The following KCNQ2 variants were observed in gnomAD, a reference collection of about 807,000 sequenced individuals.
KCNQ2 encodes the protein potassium voltage-gated channel subfamily KQT member 2.
Under a neutral mutation model 84.8 loss-of-function variants are expected in KCNQ2, and 14 were observed. The observed-to-expected ratio is 0.17, with a 90% CI of 0.11 to 0.26. The LOEUF (loss-of-function observed/expected upper bound fraction) is 0.26, where lower values mean the gene tolerates loss of function less well. Among genes scored for constraint, KCNQ2 ranks in the 10% least tolerant of loss-of-function variants. The pLI is 1.00. For synonymous variants in KCNQ2, 599 were observed against 554.1 expected (o/e 1.08, Z -1.14); for missense variants, 788 against 1,254.0 (o/e 0.63, Z 5.61).
At position 63,442,499 on chromosome 20, in the gene KCNQ2, A is replaced by C. The variant is rs777739401; in HGVS notation, c.723T>G (p.Leu241=). Residue 241 remains leucine, a synonymous_variant, in exon 5 of 17, where the codon CTT becomes CTG. Transcript: ENST00000359125. ...CCAGGAACGAGGCCAGGATGAGACA[A>C]AGGAAGCCGATGTACCAGGCAGTGA... ...ELVTAWYIGF[L]CLILASFLVY... 1.9e-6 allele frequency: 3 copies of C among 1,613,526 alleles called. No individual in the cohort carries two copies. Among genetic ancestry groups the C allele is most frequent in the East Asian group, 2.2e-5 (1 of 44,864 alleles).
chr20:63,440,410 A>G (rs1024033419), intron 5 of KCNQ2, among the ~76,000 whole-genome samples: 1 of 152,158 alleles, frequency 6.6e-6, no homozygotes, highest in Non-Finnish European at 1.5e-5. Context: ...CGAGGAAGGC[A>G]GGGGCAGGCA....
chr20:63,439,477 T>A, intron 6 of KCNQ2, 121 bp downstream of exon 6: 6 of 764,352 alleles, frequency 7.8e-6, no homozygotes, highest in Middle Eastern at 3.1e-4. Flanking sequence ...GCTGTGGACC[T>A]GCTGAGAGCT....
chr20:63,457,389 C>G (rs2081831319), intron 1 of KCNQ2, among the ~76,000 whole-genome samples: 1 of 152,258 alleles, frequency 6.6e-6, no homozygotes, highest in Admixed American at 6.5e-5. Context: ...GGGTGCTCAA[C>G]TGGACCCTGA....
intron 8 of KCNQ2, chr20:63,433,508 G>C (rs950909456): frequency 4.4e-5 from 26 of 590,480 alleles, no homozygotes; most frequent in Non-Finnish European, 1.8e-5. Flanking sequence ...CCCGGGGCGG[G>C]GGGCATTTAC....
Position 63,400,264 on chromosome 20 carries a change from C to T in KCNQ2, c.*6380G>A, listed in dbSNP as rs959681418. 9 of 207,104 alleles carry T rather than the reference C, an allele frequency of 4.3e-5. No individual in the cohort carries two copies. The highest frequency in any genetic ancestry group is 1.4e-4 in the African/African-American group (6 of 43,618). 12.8% of individuals were successfully genotyped at this position (207,104 alleles called of 1,614,324 possible). On this transcript the variant is annotated 3_prime_UTR_variant, in exon 17 of 17. Coordinates refer to ENST00000359125, the MANE Select transcript of KCNQ2 (RefSeq NM_172107.4). The surrounding 1 kb of genome is among the most constrained non-coding windows in gnomAD (Gnocchi z 8.7). ...CACAGGTCCACCTGGCGTCCGAACT[C>T]GTCCCCGTGGCAGCAGGGATCCCCA...
rs1367810787 is a variant in KCNQ2, at chr20:63,472,538, A to G, written c.-75T>C. 4 of 1,216,542 alleles carry G rather than the reference A, an allele frequency of 3.3e-6. No individual in the cohort carries two copies. Among genetic ancestry groups the G allele is most frequent in the Non-Finnish European group, 4.1e-6 (4 of 971,566 alleles). The allele number at this position is 1,216,542 out of a possible 1,614,324, so 75.4% of individuals were successfully genotyped here. ...GAGCGCGGGGGGCGGCGCGGGCCCC[A>G]GCCCAGGCCCCCCGGCCGGGAGCCG... On this transcript the variant is annotated 5_prime_UTR_variant, in exon 1 of 17. Transcript: ENST00000359125.
chr20:63,424,242 C>G (rs757198327), intron 10 of KCNQ2, 36 bp from the exon 11 acceptor site: 3 of 1,551,948 alleles, frequency 1.9e-6, no homozygotes, highest in Middle Eastern at 1.7e-4. Context: ...AGTGGCCGCC[C>G]ACTCAGCACC....
intron 1 of KCNQ2, among the ~76,000 whole-genome samples, chr20:63,458,686 C>A (rs1017128608): frequency 6.6e-6 from 1 of 152,164 alleles, no homozygotes. Flanking sequence ...CAGACAGTGG[C>A]CCCAAGTGCC....
At position 63,425,949 on chromosome 20, in the gene KCNQ2, GCCA is replaced by G. The variant is rs531861060; in HGVS notation, c.1218-1746_1218-1744del. Among the ~76,000 whole-genome samples the G allele has an allele frequency of 1.0e-3, 158 of 152,320 alleles. 1 individual carries two copies. The highest frequency in any genetic ancestry group is 3.5e-3 in the African/African-American group (145 of 41,578). ...AGGGAGAATGACAGAGGGGCCGCCG[GCCA>G]CCACGTTTCCAATCCGGCGGGGCAA... On this transcript the variant is annotated intron_variant, in intron 10 of 16. Transcript: ENST00000359125. The surrounding 1 kb of genome is among the most constrained non-coding windows in gnomAD (Gnocchi z 5.5).
At chr20:63,433,770 T>C in intron 8 of KCNQ2, 39 bp downstream of exon 8, 1 of 1,613,474 alleles carries the variant, frequency 6.2e-7, no homozygotes. Flanking sequence ...AAATAAAAAA[T>C]GAAACAGTTG....
intron 1 of KCNQ2, among the ~76,000 whole-genome samples, chr20:63,462,930 G>A (rs1004584735): frequency 3.9e-5 from 6 of 152,208 alleles, no homozygotes; most frequent in African/African-American, 9.6e-5. Context: ...TGGCACGCAT[G>A]CAGAGAACGG....
At position 63,407,012 on chromosome 20, in the gene KCNQ2, A is replaced by C; in HGVS notation, c.2251T>G (p.Ser751Ala). 2 of 1,532,656 alleles carry C rather than the reference A, an allele frequency of 1.3e-6. No homozygotes were observed. The highest frequency in any genetic ancestry group is 1.8e-4 in the Middle Eastern group (1 of 5,704). 94.9% of individuals were successfully genotyped at this position (1,532,656 alleles called of 1,614,324 possible). ...RIPPPPAHER[S>A]LSAYGGGNRA... ...TTGCCCCCGCCGTAGGCGGACAGCG[A>C]CCGCTCGTGGGCAGGCGGCGGCGGG... Residue 751 changes from serine (S) to alanine (A), a missense_variant, in exon 17 of 17, where the codon TCG becomes GCG. Coordinates refer to ENST00000359125, the MANE Select transcript of KCNQ2 (RefSeq NM_172107.4). This position sits in a 1 kb window ranked among gnomAD's most constrained non-coding sequence, Gnocchi z 7.2.
intron 3 of KCNQ2, 137 bp from the exon 4 acceptor site, chr20:63,444,971 T>C: frequency 9.2e-7 from 1 of 1,084,112 alleles, no homozygotes; most frequent in Non-Finnish European, 1.3e-6. Context: ...GTGGGCTCTG[T>C]CAGGCCCCAG....
At chr20:63,439,262 C>A (rs753605727) in intron 6 of KCNQ2, among the ~76,000 whole-genome samples, 3 of 152,244 alleles carry the variant, frequency 2.0e-5, no homozygotes, top group African/African-American at 7.2e-5. Context: ...CATGAGGGAC[C>A]TGTGTCACCA....
chr20:63,443,378 A>C (rs2081306761), intron 4 of KCNQ2, among the ~76,000 whole-genome samples: 1 of 119,944 alleles, frequency 8.3e-6, no homozygotes. Flanking sequence ...CATCACCACC[A>C]TCATCACCAC....
chr20:63,428,291 G>A lies in KCNQ2; in HGVS notation c.1217+76C>T, dbSNP rs575295105. On this transcript the variant is annotated intron_variant, in intron 10 of 16. Transcript: ENST00000359125. Reference sequence around the variant, plus strand: ...GGAGTCCCTGGGGCACTGTCCTGGCGTGTCTTCTGTGGGCAGCTGGGGCCC... The same window carrying A: ...GGAGTCCCTGGGGCACTGTCCTGGCATGTCTTCTGTGGGCAGCTGGGGCCC... 4.7e-4 allele frequency: 521 copies of A among 1,109,698 alleles called. 4 individuals carry two copies. The South Asian group carries it at 5.7e-3, about 12-fold the overall frequency. 68.7% of individuals were successfully genotyped at this position (1,109,698 alleles called of 1,614,324 possible). A position where few individuals can be genotyped will look rare whatever the true frequency, so the allele number is the denominator to read the frequency against.
At position 63,438,584 on chromosome 20, in the gene KCNQ2, G is replaced by T; in HGVS notation, c.1023+41C>A. ...CCACTCCTCAACAAGGTGGGACCAG[G>T]ACAAGGGCTGTGCTGGTCCCCGGGG... On this transcript the variant is annotated intron_variant, in intron 7 of 16. Coordinates refer to ENST00000359125, the MANE Select transcript of KCNQ2 (RefSeq NM_172107.4). This position sits in a 1 kb window ranked among gnomAD's most constrained non-coding sequence, Gnocchi z 5.1. 6.5e-7 allele frequency: 1 copy of T among 1,548,986 alleles called. No homozygotes were observed. The highest frequency in any genetic ancestry group is 8.9e-7 in the Non-Finnish European group (1 of 1,121,936).
At chr20:63,470,438 C>A (rs181142849) in intron 1 of KCNQ2, among the ~76,000 whole-genome samples, 1 of 152,338 alleles carries the variant, frequency 6.6e-6, no homozygotes, top group East Asian at 1.9e-4. Flanking sequence ...CAAGTGTCCC[C>A]ATGCTTTGCC....
intron 8 of KCNQ2, among the ~76,000 whole-genome samples, chr20:63,432,942 C>G (rs534845590): frequency 6.6e-6 from 1 of 152,110 alleles, no homozygotes; most frequent in African/African-American, 2.4e-5. Context: ...GAGCAGGTGA[C>G]GGGGGGCGCG....
Sources: gnomAD v4.1 joint callset for allele counts (sites outside exome capture counted in the v4.1 genomes callset) on GRCh38, gnomAD v4.1.1 for gene constraint, Gnocchi (gnomAD v3.1) non-coding constraint, MANE v1.5 for transcripts, NCBI Gene and HGNC (gene_info 2026-07-23, HGNC 2026-07-21) for gene names.